Variants in ICA1L observed in about 807,000 individuals in gnomAD.
The protein encoded by ICA1L is islet cell autoantigen 1-like protein.
In ICA1L, 50 loss-of-function variants were observed where a neutral mutation model predicts 61.3. The ratio of observed to expected loss-of-function variants is 0.82; its 90% CI spans 0.65 to 1.03. The LOEUF (loss-of-function observed/expected upper bound fraction) is 1.03, where lower values mean the gene tolerates loss of function less well. Ranked by LOEUF, ICA1L falls within the 50% of genes least tolerant of loss-of-function variation. The pLI is 0.00. For missense variants in ICA1L, 508 were observed against 556.7 expected, an observed-to-expected ratio of 0.91 and a Z score of 0.88; for synonymous variants, 161 against 191.3, an observed-to-expected ratio of 0.84 and a Z score of 1.31.
intron 1 of ICA1L, among the ~76,000 whole-genome samples, chr2:202,860,685 G>A (rs1694886817): frequency 6.6e-6 from 1 of 151,884 alleles, no homozygotes; most frequent in Non-Finnish European, 1.5e-5. Context: ...CCGGGACACG[G>A]AGATTACAGT....
At position 202,779,432 on chromosome 2, in the gene ICA1L, C is replaced by G; in HGVS notation, c.*101G>C. The G allele has an allele frequency of 1.5e-6, 1 of 654,436 alleles. No homozygotes were observed. Among genetic ancestry groups the G allele is most frequent in the Middle Eastern group, 2.5e-4 (1 of 4,006 alleles). The allele number at this position is 654,436 out of a possible 1,614,324, so 40.5% of individuals were successfully genotyped here. A position where few individuals can be genotyped will look rare whatever the true frequency, so the allele number is the denominator to read the frequency against. ...CTGACAGGTGTTATATTCACAAACA[C>G]CGTGCTTTTGTGTGCGGGTTACAAT... On this transcript the variant is annotated 3_prime_UTR_variant, in exon 13 of 13. Coordinates refer to ENST00000358299, the MANE Select transcript of ICA1L (RefSeq NM_001288622.3).
intron 10 of ICA1L, among the ~76,000 whole-genome samples, chr2:202,792,307 A>T (rs957184905): frequency 2.0e-5 from 3 of 152,350 alleles, no homozygotes; most frequent in Non-Finnish European, 4.4e-5. Context: ...AGTTAAATTC[A>T]CCATACAACC....
chr2:202,784,314 A>G (rs1444587628), intron 12 of ICA1L, among the ~76,000 whole-genome samples: 2 of 152,148 alleles, frequency 1.3e-5, no homozygotes, highest in African/African-American at 4.8e-5. Flanking sequence ...GCGTGGTGGT[A>G]CATGTCTGTA....
At chr2:202,870,247 T>C (rs909375907) in intron 1 of ICA1L, among the ~76,000 whole-genome samples, 1 of 152,186 alleles carries the variant, frequency 6.6e-6, no homozygotes, top group Non-Finnish European at 1.5e-5. Context: ...TTGTTTTATA[T>C]TTTTATGATA....
intron 10 of ICA1L, among the ~76,000 whole-genome samples, chr2:202,794,742 A>G (rs1692871590): frequency 6.6e-6 from 1 of 152,212 alleles, no homozygotes; most frequent in South Asian, 2.1e-4. Flanking sequence ...CTCATTTACA[A>G]TAGCAACCAG....
At position 202,862,272 on chromosome 2, in the gene ICA1L, C is replaced by CCAAAAAAAAAAAAAAAAAAAA. The variant is rs1462555700; in HGVS notation, c.-8+9346_-8+9347insTTTTTTTTTTTTTTTTTTTTG. On this transcript the variant is annotated intron_variant, in intron 1 of 12. Transcript: ENST00000358299. Reference sequence around the variant, plus strand: ...GCAACACAGTAAGACCTCATTTCTACAAAAAAAAAAAAAAAAAAAAAAAAA... The same window carrying CCAAAAAAAAAAAAAAAAAAAA: ...GCAACACAGTAAGACCTCATTTCTACCAAAAAAAAAAAAAAAAAAAAAAAAAAAAAAAAAAAAAAAAAAAAA... 7.9e-5 allele frequency among the ~76,000 whole-genome samples: 5 copies of CCAAAAAAAAAAAAAAAAAAAA among 62,978 alleles called. 2 individuals are homozygous for CCAAAAAAAAAAAAAAAAAAAA. Among genetic ancestry groups the CCAAAAAAAAAAAAAAAAAAAA allele is most frequent in the South Asian group, 6.0e-4 (1 of 1,672 alleles). The allele number at this position is 62,978 out of a possible 152,430, so 41.3% of individuals were successfully genotyped here.
At chr2:202,807,168 T>C (rs1693250577) in intron 9 of ICA1L, among the ~76,000 whole-genome samples, 1 of 152,166 alleles carries the variant, frequency 6.6e-6, no homozygotes, top group African/African-American at 2.4e-5. Context: ...GGGTGAGAGA[T>C]CACAGTACCT....
chr2:202,774,066 A>G lies in ICA1L; in HGVS notation c.*5467T>C. On this transcript the variant is annotated 3_prime_UTR_variant, in exon 13 of 13. Coordinates refer to ENST00000358299, the MANE Select transcript of ICA1L (RefSeq NM_001288622.3). ...TCTTGCTTCTTTGATGTGTCATCCT[A>G]GCTGCCTAATATGATAATATTAGGA... is the stretch of plus-strand genomic sequence containing the variant. 5 of 986,484 alleles carry G rather than the reference A, an allele frequency of 5.1e-6. No individual in the cohort carries two copies. The highest frequency in any genetic ancestry group is 7.7e-6 in the Non-Finnish European group (5 of 645,910). 61.1% of individuals were successfully genotyped at this position (986,484 alleles called of 1,614,324 possible).
At chr2:202,840,359 G>A in intron 1 of ICA1L, 1 of 487,600 alleles carries the variant, frequency 2.1e-6, no homozygotes, top group Non-Finnish European at 4.0e-6. Context: ...AGAGGACTCG[G>A]ACACCAGCTT....
At chr2:202,822,394 C>A (rs560031246) in intron 3 of ICA1L, among the ~76,000 whole-genome samples, 58 of 152,284 alleles carry the variant, frequency 3.8e-4, no homozygotes, top group African/African-American at 1.4e-3. Flanking sequence ...AAACTCCTAG[C>A]CTCAAGCCAT....
At chr2:202,841,372 C>T (rs899536584) in intron 1 of ICA1L, 18 of 878,850 alleles carry the variant, frequency 2.0e-5, no homozygotes, top group Non-Finnish European at 3.3e-5. Flanking sequence ...AACATGTTGT[C>T]CGTGTTGCTC....
intron 10 of ICA1L, among the ~76,000 whole-genome samples, chr2:202,789,445 A>G (rs775072979): frequency 1.3e-5 from 2 of 152,224 alleles, no homozygotes; most frequent in Non-Finnish European, 2.9e-5. Context: ...AACAGATAAA[A>G]AAGATCAAAA....
intron 10 of ICA1L, among the ~76,000 whole-genome samples, chr2:202,794,753 A>G (rs894665047): frequency 3.3e-5 from 5 of 152,166 alleles, no homozygotes; most frequent in Admixed American, 6.5e-5. Context: ...TAGCAACCAG[A>G]AAGATAAAAT....
At chr2:202,833,156 C>T (rs969366779) in intron 1 of ICA1L, among the ~76,000 whole-genome samples, 1 of 151,816 alleles carries the variant, frequency 6.6e-6, no homozygotes. Flanking sequence ...CACAAGGTAA[C>T]AAAAATACAA....
At position 202,849,256 on chromosome 2, in the gene ICA1L, T is replaced by G. The variant is rs1303983846; in HGVS notation, c.-7-20240A>C. Among the ~76,000 whole-genome samples, 3 of 152,030 alleles carry G rather than the reference T, an allele frequency of 2.0e-5. No homozygotes were observed. Among genetic ancestry groups the G allele is most frequent in the African/African-American group, 7.2e-5 (3 of 41,384 alleles). On this transcript the variant is annotated intron_variant, in intron 1 of 12. Transcript: ENST00000358299. The surrounding 1 kb of genome is among the most constrained non-coding windows in gnomAD (Gnocchi z 4.5). ...TTTTGTTTTTGTTTTTGTACCCCAG[T>G]GGTGCCTGGAACCCCAGCGAGACAA...
At chr2:202,827,824 G>C (rs557906634) in intron 2 of ICA1L, among the ~76,000 whole-genome samples, 1 of 151,894 alleles carries the variant, frequency 6.6e-6, no homozygotes, top group African/African-American at 2.4e-5. Flanking sequence ...TATTTGTTTT[G>C]GCAATGAGGT....
chr2:202,809,943 GA>G (rs956690010), intron 9 of ICA1L, among the ~76,000 whole-genome samples: 3 of 152,134 alleles, frequency 2.0e-5, no homozygotes, highest in African/African-American at 7.2e-5. Flanking sequence ...GGTAATAACA[GA>G]GAATTTCCCA....
rs1012431163 is a variant in ICA1L, at chr2:202,776,218, T to C, written c.*3315A>G. On this transcript the variant is annotated 3_prime_UTR_variant, in exon 13 of 13. Coordinates refer to ENST00000358299, the MANE Select transcript of ICA1L (RefSeq NM_001288622.3). ...CAATTAATGAAGGATTTCAAAAACA[T>C]ACAAAATTACACCAATCTGATCTTA... 6.6e-6 allele frequency: 1 copy of C among 152,200 alleles called. No individual in the cohort carries two copies. The highest frequency in any genetic ancestry group is 1.5e-5 in the Non-Finnish European group (1 of 68,040). 9.4% of individuals were successfully genotyped at this position (152,200 alleles called of 1,614,324 possible).
chr2:202,808,135 C>G (rs772621559), intron 9 of ICA1L, among the ~76,000 whole-genome samples: 7 of 152,140 alleles, frequency 4.6e-5, no homozygotes, highest in Non-Finnish European at 8.8e-5. Context: ...TGGGCACCAG[C>G]TTGGCCACAG....
Sources: gnomAD v4.1 joint callset for allele counts (sites outside exome capture counted in the v4.1 genomes callset) on GRCh38, gnomAD v4.1.1 for gene constraint, Gnocchi (gnomAD v3.1) non-coding constraint, MANE v1.5 for transcripts, NCBI Gene and HGNC (gene_info 2026-07-23, HGNC 2026-07-21) for gene names.